The following PCDHA5 variants were observed in gnomAD, a reference collection of about 807,000 sequenced individuals.
The protein encoded by PCDHA5 is protocadherin alpha 5.
In PCDHA5, 43 loss-of-function variants were observed where a neutral mutation model predicts 61.6. The ratio of observed to expected loss-of-function variants is 0.70; its 90% CI spans 0.55 to 0.90. PCDHA5 has a LOEUF of 0.90. Ranked by LOEUF, PCDHA5 falls within the 40% of genes least tolerant of loss-of-function variation. PCDHA5 has a pLI of 0.00. For synonymous variants in PCDHA5, 627 were observed against 543.9 expected, an observed-to-expected ratio of 1.15 and a Z score of -2.13; for missense variants, 1,298 against 1,222.7, an observed-to-expected ratio of 1.06 and a Z score of -0.92.
At chr5:141,007,402 A>G in intron 3 of PCDHA5, among the ~76,000 whole-genome samples, 2 of 149,740 alleles carry the variant, frequency 1.3e-5, no homozygotes. Context: ...ATACAAAAAA[A>G]AAAAAAAAAA....
chr5:141,005,737 G>A (rs568489145), intron 3 of PCDHA5, among the ~76,000 whole-genome samples: 173 of 143,620 alleles, frequency 1.2e-3, no homozygotes, highest in African/African-American at 4.5e-3. Flanking sequence ...AAAAAGAATG[G>A]ATGAGAAATC....
chr5:140,985,471 G>A (rs926791157), intron 3 of PCDHA5, among the ~76,000 whole-genome samples: 4 of 152,148 alleles, frequency 2.6e-5, no homozygotes, highest in African/African-American at 9.7e-5. Flanking sequence ...AAAAAATTTG[G>A]TTGTTTCCAG....
chr5:140,966,820 G>A, intron 1 of PCDHA5: 1 of 1,557,392 alleles, frequency 6.4e-7, no homozygotes, highest in Non-Finnish European at 8.7e-7. Context: ...GGCTCCGGCG[G>A]CCCATGCCCT....
chr5:140,834,262 C>A, intron 1 of PCDHA5: 2 of 985,850 alleles, frequency 2.0e-6, no homozygotes, highest in Non-Finnish European at 3.0e-6. Context: ...ACGCTCCACT[C>A]TCTTTCACTC....
At chr5:140,972,170 C>G (rs1001419960) in intron 1 of PCDHA5, among the ~76,000 whole-genome samples, 2 of 152,034 alleles carry the variant, frequency 1.3e-5, no homozygotes, top group African/African-American at 4.8e-5. Flanking sequence ...GAGACAGAGT[C>G]TTGGCCTGTC....
intron 1 of PCDHA5, among the ~76,000 whole-genome samples, chr5:140,941,281 C>G (rs12652617): frequency 1.4e-5 from 1 of 69,002 alleles, no homozygotes. Flanking sequence ...TTCCTTCCTT[C>G]CTTTCTCTTT....
At chr5:140,882,454 C>G (rs782708863) in intron 1 of PCDHA5, 12 of 1,613,934 alleles carry the variant, frequency 7.4e-6, no homozygotes, top group Non-Finnish European at 1.0e-5. Flanking sequence ...TGGTGCCGCG[C>G]CTGTTCCGGG....
At chr5:140,841,679 G>A (rs1554138418) in intron 1 of PCDHA5, 3 of 1,613,866 alleles carry the variant, frequency 1.9e-6, no homozygotes, top group South Asian at 1.1e-5. Context: ...TTTCCATGTG[G>A]ACGTGGAGGT....
intron 3 of PCDHA5, among the ~76,000 whole-genome samples, chr5:140,987,213 CA>C (rs58319157): frequency 0.029 from 3,412 of 118,662 alleles, 64 homozygotes; most frequent in African/African-American, 0.058. Flanking sequence ...GACTCCATCT[CA>C]AAAAAAAAAA....
chr5:140,822,987 C>T lies in PCDHA5; in HGVS notation c.1212C>T (p.Tyr404=). 4 of 1,614,254 alleles carry T rather than the reference C, an allele frequency of 2.5e-6. No homozygotes were observed. The highest frequency in any genetic ancestry group is 2.2e-5 in the East Asian group (1 of 44,888). The change falls in exon 1 of 4, where the codon TAC becomes TAT. Residue 404 remains tyrosine (Y), a synonymous_variant. Coordinates refer to ENST00000529859, the MANE Select transcript of PCDHA5 (RefSeq NM_018908.3). ...TGGTGTCCACCTTCAAGAATTACTA[C>T]TCGTTGGTGCTGGACAGCGCCCTGG... ...FKLVSTFKNY[Y]SLVLDSALDR...
At chr5:140,921,695 A>G (rs1190217757) in intron 1 of PCDHA5, among the ~76,000 whole-genome samples, 1 of 152,216 alleles carries the variant, frequency 6.6e-6, no homozygotes, top group Admixed American at 6.5e-5. Context: ...GGCCACCTCA[A>G]TTTTAAACAG....
At chr5:140,829,649 C>T (rs1554132155) in intron 1 of PCDHA5, 7 of 1,612,288 alleles carry the variant, frequency 4.3e-6, no homozygotes, top group African/African-American at 1.3e-5. Context: ...GGTGTACGCG[C>T]TGCAGCCGCT....
At chr5:140,927,657 T>A (rs1161396429) in intron 1 of PCDHA5, 6 of 1,614,050 alleles carry the variant, frequency 3.7e-6, no homozygotes, top group Non-Finnish European at 5.1e-6. Flanking sequence ...TATTCCGAGT[T>A]CAAGCCTTGG....
At chr5:140,860,192 C>CATATATATAT (rs143984774) in intron 1 of PCDHA5, 4 of 146,816 alleles carry the variant, frequency 2.7e-5, no homozygotes, top group African/African-American at 7.5e-5. Context: ...GCTCTCCTTA[C>CATATATATAT]ATATATATCT....
chr5:140,869,392 G>C (rs372231398), intron 1 of PCDHA5: 24 of 1,614,164 alleles, frequency 1.5e-5, no homozygotes, highest in African/African-American at 1.5e-4. Flanking sequence ...GGAGCTGTGC[G>C]GGCAGAGCGC....
chr5:140,973,209 C>T (rs1273068326), intron 1 of PCDHA5, among the ~76,000 whole-genome samples: 4 of 152,100 alleles, frequency 2.6e-5, no homozygotes, highest in Non-Finnish European at 4.4e-5. Flanking sequence ...GCATATTCAC[C>T]CTAATTCCAG....
At chr5:140,959,317 A>G (rs1424960169) in intron 1 of PCDHA5, among the ~76,000 whole-genome samples, 3 of 152,078 alleles carry the variant, frequency 2.0e-5, no homozygotes, top group Non-Finnish European at 4.4e-5. Flanking sequence ...TGAAGCTGCA[A>G]TAAGTTTTGA....
intron 1 of PCDHA5, chr5:140,876,735 T>C (rs782576636): frequency 2.0e-5 from 33 of 1,614,084 alleles, no homozygotes; most frequent in Non-Finnish European, 2.7e-5. Context: ...TGTCGGCCTA[T>C]GAGCTGGTGG....
chr5:140,946,298 G>A (rs1670826449), intron 1 of PCDHA5, among the ~76,000 whole-genome samples: 1 of 151,840 alleles, frequency 6.6e-6, no homozygotes, highest in Admixed American at 6.6e-5. Flanking sequence ...CCTCACACCT[G>A]GTAGAATGGC....
Sources: allele counts gnomAD v4.1 joint callset (sites outside exome capture counted in the v4.1 genomes callset), GRCh38; gene constraint gnomAD v4.1.1; transcripts MANE v1.5; gene names NCBI Gene and HGNC (gene_info 2026-07-23, HGNC 2026-07-21).